COBLL1: variants seen among roughly 807,000 people sequenced by gnomAD.
The protein encoded by COBLL1 is cordon-bleu WH2 repeat protein like 1, also known as cordon-bleu protein-like 1.
COBLL1 carries 50 observed loss-of-function variants against 94.8 expected under a neutral mutation model. The observed-to-expected ratio is 0.53, with a 90% CI of 0.42 to 0.67. The LOEUF (loss-of-function observed/expected upper bound fraction) is 0.67. COBLL1 is among the 30% of genes least tolerant of loss of function. COBLL1 has a pLI of 0.00. For missense variants in COBLL1, 1,362 were observed against 1,348.7 expected (o/e 1.01, Z -0.15); for synonymous variants, 448 against 473.8 (o/e 0.95, Z 0.71).
chr2:164,807,902 C>T (rs1264007693), intron 2 of COBLL1, among the ~76,000 whole-genome samples: 2 of 152,158 alleles, frequency 1.3e-5, no homozygotes, highest in African/African-American at 2.4e-5. Context: ...TCACTGCAAC[C>T]TCTGCCTCCC....
chr2:164,743,440 G>A (rs1045020183), intron 3 of COBLL1: 2 of 339,392 alleles, frequency 5.9e-6, no homozygotes, highest in South Asian at 5.9e-5. Flanking sequence ...AATAACTAAC[G>A]AGATATGAAA....
At chr2:164,811,228 T>A (rs1684442610) in intron 2 of COBLL1, among the ~76,000 whole-genome samples, 1 of 151,916 alleles carries the variant, frequency 6.6e-6, no homozygotes, top group African/African-American at 2.4e-5. Context: ...ATAGGAAAAA[T>A]TAATTTAAAA....
At chr2:164,793,660 T>C (rs1683300433) in intron 2 of COBLL1, among the ~76,000 whole-genome samples, 1 of 152,204 alleles carries the variant, frequency 6.6e-6, no homozygotes, top group Non-Finnish European at 1.5e-5. Context: ...CCACATTAAG[T>C]TCCTTGTGAA....
chr2:164,768,894 C>T (rs1010060013), intron 2 of COBLL1, among the ~76,000 whole-genome samples: 2 of 152,150 alleles, frequency 1.3e-5, no homozygotes, highest in Admixed American at 6.5e-5. Context: ...TCTGTTTACA[C>T]ACTAAATGTT....
intron 3 of COBLL1, among the ~76,000 whole-genome samples, chr2:164,741,571 A>G (rs1436464586): frequency 6.6e-6 from 1 of 152,158 alleles, no homozygotes; most frequent in East Asian, 1.9e-4. Flanking sequence ...CCAAGCCCTG[A>G]TAGTATTTCA....
At chr2:164,704,014 G>A (rs1684453725) in intron 9 of COBLL1, among the ~76,000 whole-genome samples, 1 of 152,180 alleles carries the variant, frequency 6.6e-6, no homozygotes. Context: ...TTTACCATTA[G>A]AGTAGGGTAA....
At chr2:164,669,292 T>C (rs1691211226) in intron 1 of COBLL1, among the ~76,000 whole-genome samples, 1 of 152,194 alleles carries the variant, frequency 6.6e-6, no homozygotes, top group Admixed American at 6.5e-5. Flanking sequence ...ACATGAATGC[T>C]ACCTGGTAAT....
chr2:164,710,743 TTAG>T (rs1338002575), intron 7 of COBLL1, among the ~76,000 whole-genome samples: 1 of 151,990 alleles, frequency 6.6e-6, no homozygotes, highest in Non-Finnish European at 1.5e-5. Context: ...TTTTGTATTT[TTAG>T]TAGAGATGGG....
At chr2:164,731,333 G>T (rs1429761134) in intron 3 of COBLL1, among the ~76,000 whole-genome samples, 1 of 152,134 alleles carries the variant, frequency 6.6e-6, no homozygotes, top group Non-Finnish European at 1.5e-5. Context: ...TGGTAATACA[G>T]GACTTATTTC....
chr2:164,704,712 T>G (rs988816325), intron 8 of COBLL1, among the ~76,000 whole-genome samples, 194 bp from the exon 9 acceptor site: 4 of 152,252 alleles, frequency 2.6e-5, no homozygotes, highest in African/African-American at 9.6e-5. Context: ...GGCAGCATCT[T>G]TCTGAATAAA....
chr2:164,798,562 T>G (rs1683591869), intron 2 of COBLL1, among the ~76,000 whole-genome samples: 1 of 151,872 alleles, frequency 6.6e-6, no homozygotes, highest in Admixed American at 6.6e-5. Context: ...GGGAAAGGAG[T>G]TGTACTGTCA....
At chr2:164,721,933 A>G (rs568281223) in intron 7 of COBLL1, 142 bp downstream of exon 7, 1 of 559,776 alleles carries the variant, frequency 1.8e-6, no homozygotes, top group South Asian at 2.9e-5. Context: ...TCATCTTATT[A>G]CATATTAGTA....
chr2:164,711,795 G>A (rs1010274489), intron 7 of COBLL1, among the ~76,000 whole-genome samples: 1 of 152,048 alleles, frequency 6.6e-6, no homozygotes, highest in Non-Finnish European at 1.5e-5. Context: ...AAGTCTAAAG[G>A]CTTTACAAAA....
intron 1 of COBLL1, among the ~76,000 whole-genome samples, chr2:164,674,675 T>C (rs764321003): frequency 6.6e-6 from 1 of 152,156 alleles, no homozygotes; most frequent in African/African-American, 2.4e-5. Context: ...GCAAACAAGA[T>C]AGATATGGAG....
chr2:164,724,205 T>C (rs1328650095), intron 5 of COBLL1: 1 of 152,194 alleles, frequency 6.6e-6, no homozygotes, highest in Non-Finnish European at 1.5e-5. Context: ...ATTTTTCAAA[T>C]CTTAATTAAC....
At chr2:164,806,195 G>C (rs551222801) in intron 2 of COBLL1, among the ~76,000 whole-genome samples, 14 of 151,876 alleles carry the variant, frequency 9.2e-5, no homozygotes, top group Non-Finnish European at 1.9e-4. Context: ...TTTGAAATTT[G>C]TGCTGCCATT....
At chr2:164,739,459 A>G (rs1435178972) in intron 3 of COBLL1, among the ~76,000 whole-genome samples, 1 of 152,202 alleles carries the variant, frequency 6.6e-6, no homozygotes, top group African/African-American at 2.4e-5. Context: ...TGGGAAACTT[A>G]TTTCTGAAAA....
At position 164,800,536 on chromosome 2, in the gene COBLL1, T is replaced by G. The variant is rs1258535656; in HGVS notation, c.41+40620A>C. ...TTTCTTATTAAATATACACTTACCA[T>G]GACCCAGCAATCTCTCTCCTAGGCA... is the stretch of plus-strand genomic sequence containing the variant. On this transcript the variant is annotated intron_variant, in intron 2 of 13. Transcript: ENST00000652658. 1.0e-5 allele frequency: 7 copies of G among 702,138 alleles called. No individual in the cohort carries two copies. In the African/African-American group the frequency reaches 1.0e-4, roughly 11 times the overall value. The allele number at this position is 702,138 out of a possible 1,614,324, so 43.5% of individuals were successfully genotyped here. A position where few individuals can be genotyped will look rare whatever the true frequency, so the allele number is the denominator to read the frequency against.
chr2:164,781,469 T>G lies in COBLL1; in HGVS notation c.42-37594A>C, dbSNP rs79755553. On this transcript the variant is annotated intron_variant, in intron 2 of 13. Transcript: ENST00000652658. ...ATGGTCAAATCAGAAGCTTTCATGT[T>G]CACTGTACACTTACTGCAGACCAGA... Among the ~76,000 whole-genome samples the G allele has an allele frequency of 7.4e-3, 1,124 of 152,328 alleles. 18 individuals carry two copies. Among genetic ancestry groups the G allele is most frequent in the African/African-American group, 0.026 (1,078 of 41,584 alleles).
Sources: gnomAD v4.1 joint callset for allele counts (sites outside exome capture counted in the v4.1 genomes callset) on GRCh38, gnomAD v4.1.1 for gene constraint, MANE v1.5 for transcripts, NCBI Gene and HGNC (gene_info 2026-07-23, HGNC 2026-07-21) for gene names.